SCARB1: variants seen among roughly 807,000 people sequenced by gnomAD.
The protein encoded by SCARB1 is scavenger receptor class B member 1, also known as CD36 and LIMPII analogous 1.
Under a neutral mutation model 57.2 loss-of-function variants are expected in SCARB1, and 30 were observed. That is an observed-to-expected ratio of 0.52 (90% CI 0.39 to 0.71). The LOEUF is 0.71. Ranked by LOEUF, SCARB1 falls within the 30% of genes least tolerant of loss-of-function variation. The pLI, the probability that SCARB1 is intolerant of heterozygous loss-of-function variation, is 0.00. For missense variants in SCARB1, 543 were observed against 671.2 expected (o/e 0.81, Z 2.11); for synonymous variants, 249 against 268.3 (o/e 0.93, Z 0.70).
At position 124,807,867 on chromosome 12, in the gene SCARB1, G is replaced by C; in HGVS notation, c.903C>G (p.Phe301Leu). The change falls in exon 7 of 13, where the codon TTC (phenylalanine) becomes TTG (leucine). Residue 301 changes from phenylalanine (F) to leucine (L), a missense_variant. By Grantham distance (22) the Phe-to-Leu change is conservative. Coordinates refer to ENST00000261693, the MANE Select transcript of SCARB1 (RefSeq NM_005505.5). The surrounding 1 kb of genome is among the most constrained non-coding windows in gnomAD (Gnocchi z 5.3). ...TGGCAAACAGGGTTTTGGGAGCCAC[G>C]AAGCGATAGGTGGGGATGCCTTCAA... Reference protein sequence around the residue: ...GVFEGIPTYRFVAPKTLFANG... With the variant: ...GVFEGIPTYRLVAPKTLFANG... The C allele has an allele frequency of 6.2e-7, 1 of 1,614,078 alleles. No individual in the cohort carries two copies. The highest frequency in any genetic ancestry group is 8.5e-7 in the Non-Finnish European group (1 of 1,179,972).
In SCARB1 at chr12:124,817,542, A is replaced by T. The variant is rs753668085; in HGVS notation, c.284+8T>A. 2 of 1,613,420 alleles carry T rather than the reference A, an allele frequency of 1.2e-6. No individual in the cohort carries two copies. The highest frequency in any genetic ancestry group is 2.2e-5 in the South Asian group (2 of 91,078). On this transcript the variant is annotated splice_region_variant and intron_variant, in intron 2 of 12. Transcript: ENST00000261693. This position sits in a 1 kb window ranked among gnomAD's most constrained non-coding sequence, Gnocchi z 4.8. Reference sequence around the variant, plus strand: ...GGCCCCTCCACCCTCACCTGGACACAGCCTCACCTGTACACGTAGGGCCCG... The same window carrying T: ...GGCCCCTCCACCCTCACCTGGACACTGCCTCACCTGTACACGTAGGGCCCG...
In SCARB1 at chr12:124,807,521, G is replaced by A. The variant is rs560064259; in HGVS notation, c.1009+240C>T. The stretch of plus-strand genomic sequence containing the variant: ...CAGACTTCTGACTACAGAACTGCAA[G>A]ATAACCAGTGTGTGTTGTTCTAAGC... On this transcript the variant is annotated intron_variant, in intron 7 of 12. Transcript: ENST00000261693. The surrounding 1 kb of genome is among the most constrained non-coding windows in gnomAD (Gnocchi z 5.3). Among the ~76,000 whole-genome samples, 1 of 152,344 alleles carries A rather than the reference G, an allele frequency of 6.6e-6. No homozygotes were observed. Among genetic ancestry groups the A allele is most frequent in the East Asian group, 1.9e-4 (1 of 5,188 alleles).
intron 7 of SCARB1, among the ~76,000 whole-genome samples, chr12:124,806,047 A>C (rs914965827): frequency 3.3e-5 from 5 of 152,094 alleles, no homozygotes; most frequent in African/African-American, 4.8e-5. Context: ...ATTTCGTTTA[A>C]ATCAATTTCA....
In SCARB1 at chr12:124,782,602, G is replaced by T; in HGVS notation, c.*81C>A. On this transcript the variant is annotated intron_variant, in intron 12 of 12. Transcript: ENST00000261693. ...AAGTTGAGGCTGAAGGAATGAGCAG[G>T]ACCCCAAATGTTTTAAGCCGCCAGC... 1.5e-6 allele frequency: 2 copies of T among 1,372,904 alleles called. 1 individual carries two copies. Among genetic ancestry groups the T allele is most frequent in the South Asian group, 2.5e-5 (2 of 81,146 alleles). The allele number at this position is 1,372,904 out of a possible 1,614,324, so 85.0% of individuals were successfully genotyped here.
At chr12:124,837,563 GA>G (rs879375354) in intron 1 of SCARB1, among the ~76,000 whole-genome samples, 15,276 of 42,126 alleles carry the variant, frequency 0.36, 1,834 homozygotes, top group East Asian at 0.5. Flanking sequence ...GAAAAGAAAA[GA>G]AAAGAAAAGA....
intron 1 of SCARB1, among the ~76,000 whole-genome samples, chr12:124,826,395 A>G (rs1255011732): frequency 6.6e-6 from 1 of 151,446 alleles, no homozygotes; most frequent in African/African-American, 2.4e-5. Flanking sequence ...GCTTAACTGT[A>G]GTAATCATTT....
At position 124,778,162 on chromosome 12, in the gene SCARB1, T is replaced by G; in HGVS notation, c.*425A>C. On this transcript the variant is annotated 3_prime_UTR_variant, in exon 13 of 13. Coordinates refer to ENST00000261693, the MANE Select transcript of SCARB1 (RefSeq NM_005505.5). ...CACTCCCAGCCTGGCCCGTCCTGCA[T>G]GGGGAGCCACCACACCGGGACTGCA... 3 of 296,758 alleles carry G rather than the reference T, an allele frequency of 1.0e-5. No homozygotes were observed. The highest frequency in any genetic ancestry group is 1.8e-5 in the Non-Finnish European group (3 of 162,184). The allele number at this position is 296,758 out of a possible 1,614,324, so 18.4% of individuals were successfully genotyped here.
chr12:124,862,119 C>T (rs925427106), intron 1 of SCARB1, among the ~76,000 whole-genome samples: 1 of 152,190 alleles, frequency 6.6e-6, no homozygotes, highest in Admixed American at 6.5e-5. Flanking sequence ...GGCACTGCAG[C>T]AGCCACAAGG....
intron 1 of SCARB1, among the ~76,000 whole-genome samples, chr12:124,833,707 C>T (rs78041805): frequency 0.16 from 23,921 of 152,160 alleles, 2,233 homozygotes; most frequent in Admixed American, 0.31. Flanking sequence ...ACCCCTTCCT[C>T]TCCCCACAGC....
chr12:124,799,571 A>G (rs1285868851), intron 8 of SCARB1, among the ~76,000 whole-genome samples: 1 of 152,088 alleles, frequency 6.6e-6, no homozygotes, highest in Non-Finnish European at 1.5e-5. Context: ...ATAGACCACA[A>G]GTGCCCACCC....
Position 124,815,100 on chromosome 12 carries a change from T to A in SCARB1, c.299A>T (p.Lys100Ile). 3.7e-6 allele frequency: 6 copies of A among 1,613,814 alleles called. No individual in the cohort carries two copies. Among genetic ancestry groups the A allele is most frequent in the Non-Finnish European group, 4.2e-6 (5 of 1,180,018 alleles). Residue 100 changes from lysine to isoleucine, a missense_variant, in exon 3 of 13, where the codon AAA (lysine) becomes ATA (isoleucine). Coordinates refer to ENST00000261693, the MANE Select transcript of SCARB1 (RefSeq NM_005505.5). The part of the protein sequence containing the change: ...GPYVYREFRH[K>I]SNITFNNNDT... ...GTTGTTGTTGAAGGTGATGTTGCTT[T>A]TGTGCCTGAACTCCCTGTGGGGGAA...
intron 12 of SCARB1, among the ~76,000 whole-genome samples, chr12:124,780,179 G>T (rs899944013): frequency 6.6e-6 from 1 of 152,106 alleles, no homozygotes; most frequent in South Asian, 2.1e-4. Context: ...AAGAAAGATC[G>T]GTGAGAAGCT....
intron 5 of SCARB1, 32 bp downstream of exon 5, chr12:124,811,838 G>A: frequency 6.6e-7 from 1 of 1,524,470 alleles, no homozygotes; most frequent in Non-Finnish European, 9.0e-7. Context: ...CCCTCTCCCT[G>A]GCGACAGGGG....
rs1949654994 is a variant in SCARB1 at position 124,789,742 on chromosome 12, G to A, written c.1203-2285C>T. On this transcript the variant is annotated intron_variant, in intron 9 of 12. Coordinates refer to ENST00000261693, the MANE Select transcript of SCARB1 (RefSeq NM_005505.5). The surrounding 1 kb of genome is among the most constrained non-coding windows in gnomAD (Gnocchi z 4.4). ...TTTTAAAAAGAGGGGCTGGGGCGTG[G>A]TGGCTCACGCCTGTAATCCCAGCAC... 6.6e-6 allele frequency among the ~76,000 whole-genome samples: 1 copy of A among 152,258 alleles called. No homozygotes were observed. Among genetic ancestry groups the A allele is most frequent in the African/African-American group, 2.4e-5 (1 of 41,460 alleles).
intron 11 of SCARB1, chr12:124,783,795 A>C (rs1285402452): frequency 6.6e-6 from 1 of 152,168 alleles, no homozygotes; most frequent in Non-Finnish European, 1.5e-5. Context: ...AGAAACCAAA[A>C]AAAATAAAAA....
At chr12:124,861,775 C>T (rs1952911338) in intron 1 of SCARB1, among the ~76,000 whole-genome samples, 1 of 152,150 alleles carries the variant, frequency 6.6e-6, no homozygotes, top group South Asian at 2.1e-4. Flanking sequence ...CAACTTTAAG[C>T]CAGATGCTCC....
chr12:124,819,179 A>G (rs1308307048), intron 1 of SCARB1, among the ~76,000 whole-genome samples: 2 of 151,970 alleles, frequency 1.3e-5, no homozygotes, highest in Non-Finnish European at 2.9e-5. Flanking sequence ...ACACAAACAC[A>G]ACCTAGACCC....
intron 8 of SCARB1, among the ~76,000 whole-genome samples, chr12:124,798,139 G>A (rs545491011): frequency 1.3e-5 from 2 of 152,348 alleles, no homozygotes; most frequent in South Asian, 2.1e-4. Context: ...AGCTGGGCGC[G>A]GCGGCTCACG....
intron 1 of SCARB1, among the ~76,000 whole-genome samples, chr12:124,833,708 T>C (rs1438579331): frequency 1.3e-5 from 2 of 151,840 alleles, no homozygotes; most frequent in African/African-American, 4.8e-5. Flanking sequence ...CCCCTTCCTC[T>C]CCCCACAGCC....
Sources: gnomAD v4.1 joint callset for allele counts (sites outside exome capture counted in the v4.1 genomes callset) on GRCh38, gnomAD v4.1.1 for gene constraint, Gnocchi (gnomAD v3.1) non-coding constraint, MANE v1.5 for transcripts, NCBI Gene and HGNC (gene_info 2026-07-23, HGNC 2026-07-21) for gene names.